TEX29: variants seen among roughly 807,000 people sequenced by gnomAD.
TEX29 encodes the protein testis expressed 29.
TEX29 carries 26 observed loss-of-function variants against 18.2 expected under a neutral mutation model. The observed-to-expected ratio is 1.43, with a 90% CI of 1.04 to 1.98. TEX29 has a LOEUF of 1.98. Among genes scored for constraint, TEX29 ranks in the 30% most tolerant of loss-of-function variants. The probability of loss-of-function intolerance (pLI) is 0.00; values close to 1 mark genes in which losing one functional copy is unlikely to be tolerated. For synonymous variants in TEX29, 83 were observed against 78.5 expected, an observed-to-expected ratio of 1.06 and a Z score of -0.31; for missense variants, 177 against 194.2, an observed-to-expected ratio of 0.91 and a Z score of 0.53.
At position 111,320,709 on chromosome 13, in the gene TEX29, T is replaced by C. The variant is rs929504264; in HGVS notation, c.-88T>C. Reference sequence around the variant, plus strand: ...CCTAAAAGGTGTTTTCCACGTGGAGTGGGACTGAGAGGCACAGGTGGCTGA... The same window carrying C: ...CCTAAAAGGTGTTTTCCACGTGGAGCGGGACTGAGAGGCACAGGTGGCTGA... On this transcript the variant is annotated 5_prime_UTR_variant, in exon 1 of 6. Coordinates refer to ENST00000283547, the MANE Select transcript of TEX29 (RefSeq NM_152324.3). The C allele has an allele frequency of 1.4e-6, 1 of 699,954 alleles. No homozygotes were observed. The allele number at this position is 699,954 out of a possible 1,614,324, so 43.4% of individuals were successfully genotyped here. A position where few individuals can be genotyped will look rare whatever the true frequency, so the allele number is the denominator to read the frequency against.
upstream of TEX29, among the ~76,000 whole-genome samples, chr13:111,316,831 A>C (rs1340261676): frequency 6.6e-6 from 1 of 152,090 alleles, no homozygotes; most frequent in African/African-American, 2.4e-5. Flanking sequence ...GGTTTAATTG[A>C]CTCACGGTTC....
At chr13:111,326,401 TGG>T in intron 2 of TEX29, among the ~76,000 whole-genome samples, 2 of 141,904 alleles carry the variant, frequency 1.4e-5, no homozygotes, top group Non-Finnish European at 3.0e-5. Context: ...TGAGGCTGTC[TGG>T]TGGGGTGGAG....
At chr13:111,316,643 G>A (rs942408376), upstream of TEX29, among the ~76,000 whole-genome samples, 2 of 152,216 alleles carry the variant, frequency 1.3e-5, no homozygotes, top group Non-Finnish European at 2.9e-5. Context: ...CAGTGCTGCC[G>A]CACACACAGA....
At chr13:111,321,759 C>T (rs938971638) in intron 2 of TEX29, among the ~76,000 whole-genome samples, 2 of 152,120 alleles carry the variant, frequency 1.3e-5, no homozygotes, top group African/African-American at 4.8e-5. Flanking sequence ...CCCATCTCTA[C>T]TAAAAATACA....
chr13:111,343,003 T>A, intron 5 of TEX29, 72 bp downstream of exon 5: 1 of 1,545,160 alleles, frequency 6.5e-7, no homozygotes, highest in Non-Finnish European at 8.8e-7. Flanking sequence ...AGACCTTCCC[T>A]GGGAAGGGGC....
chr13:111,329,858 C>T (rs764244231), intron 3 of TEX29, among the ~76,000 whole-genome samples: 7 of 152,080 alleles, frequency 4.6e-5, no homozygotes, highest in African/African-American at 1.2e-4. Flanking sequence ...GTAGACTCAC[C>T]GCCTTCAGGT....
chr13:111,330,907 G>A (rs148056074), intron 3 of TEX29, among the ~76,000 whole-genome samples: 85 of 152,328 alleles, frequency 5.6e-4, no homozygotes, highest in African/African-American at 2.0e-3. Flanking sequence ...CGGAGTCATT[G>A]TCCACTGTAT....
intron 3 of TEX29, among the ~76,000 whole-genome samples, chr13:111,330,260 CAAGA>C (rs2093680682): frequency 6.6e-6 from 1 of 152,208 alleles, no homozygotes; most frequent in Admixed American, 6.5e-5. Flanking sequence ...CAAAATCAGT[CAAGA>C]AAGAAAGTGC....
chr13:111,325,904 G>A (rs978717200), intron 2 of TEX29, among the ~76,000 whole-genome samples: 9 of 152,270 alleles, frequency 5.9e-5, no homozygotes, highest in Non-Finnish European at 1.0e-4. Flanking sequence ...TCTGTTTGCT[G>A]AAATTAAACA....
upstream of TEX29, among the ~76,000 whole-genome samples, chr13:111,318,446 TCCTGTGG>T (rs1268257237): frequency 1.3e-5 from 2 of 152,202 alleles, no homozygotes; most frequent in African/African-American, 4.8e-5. Flanking sequence ...GGCTGCTCCG[TCCTGTGG>T]CCTGCTGGGT....
At chr13:111,339,058 G>A (rs1050692386) in intron 3 of TEX29, among the ~76,000 whole-genome samples, 2 of 152,210 alleles carry the variant, frequency 1.3e-5, no homozygotes, top group African/African-American at 4.8e-5. Context: ...TCAGGAGGGG[G>A]CTGAGCAGTT....
Position 111,321,006 on chromosome 13 carries a change from A to AGTG in TEX29, c.58+58_58+59insGTG, listed in dbSNP as rs1567157016. 11 of 876,302 alleles carry AGTG rather than the reference A, an allele frequency of 1.3e-5. No homozygotes were observed. In the East Asian group the frequency reaches 3.7e-4, roughly 29 times the overall value. 54.3% of individuals were successfully genotyped at this position (876,302 alleles called of 1,614,324 possible). On this transcript the variant is annotated intron_variant, in intron 2 of 5. Transcript: ENST00000283547. ...GGTGGGGGAGCAGTTGGGGGGGGGC[A>AGTG]CAGGGAGGAGCTGTTTGAGCCCCTG...
intron 3 of TEX29, 76 bp downstream of exon 3, chr13:111,328,369 C>A: frequency 1.0e-6 from 1 of 988,028 alleles, no homozygotes; most frequent in Non-Finnish European, 1.6e-6. Context: ...CCCTGCCTGT[C>A]TCCCTTCCTC....
chr13:111,335,280 A>G (rs1254641437), intron 3 of TEX29, among the ~76,000 whole-genome samples: 1 of 152,188 alleles, frequency 6.6e-6, no homozygotes, highest in South Asian at 2.1e-4. Context: ...GGAGTCCATT[A>G]TCCTTCACCT....
rs76083530 is a variant in TEX29, at chr13:111,344,201, A to G, written c.*78A>G. ...CAGCAGGTGCACTGTTAACAGTGTGATGGAATGACCACCCAAAGAGAAAAA... is the reference window on the plus strand; with the variant it reads ...CAGCAGGTGCACTGTTAACAGTGTGGTGGAATGACCACCCAAAGAGAAAAA... On this transcript the variant is annotated 3_prime_UTR_variant, in exon 6 of 6. Transcript: ENST00000283547. The G allele has an allele frequency of 4.7e-3, 5,628 of 1,193,934 alleles. 201 individuals are homozygous for G. In the African/African-American group the frequency reaches 0.077, roughly 16 times the overall value. The allele number at this position is 1,193,934 out of a possible 1,614,324, so 74.0% of individuals were successfully genotyped here.
chr13:111,319,534 A>AC (rs1375506239), upstream of TEX29, among the ~76,000 whole-genome samples: 1 of 152,132 alleles, frequency 6.6e-6, no homozygotes, highest in Non-Finnish European at 1.5e-5. Context: ...CCTGATGCCC[A>AC]CAGCACCAGC....
At chr13:111,328,096 C>T (rs2093676955) in intron 2 of TEX29, 87 bp from the exon 3 acceptor site, 3 of 829,506 alleles carry the variant, frequency 3.6e-6, no homozygotes, top group African/African-American at 1.7e-5. Flanking sequence ...CACAGCTGCT[C>T]CCCACACCGG....
At chr13:111,339,451 C>T (rs1338849144) in intron 3 of TEX29, 12 of 428,504 alleles carry the variant, frequency 2.8e-5, no homozygotes, top group Non-Finnish European at 3.7e-5. Context: ...CAGGAGCCAG[C>T]GCCATCTCTC....
intron 2 of TEX29, among the ~76,000 whole-genome samples, chr13:111,321,435 C>T (rs905907527): frequency 1.2e-4 from 18 of 152,094 alleles, no homozygotes; most frequent in East Asian, 5.8e-4. Context: ...CCACAGGTGC[C>T]GTTAATGTGC....
Sources: gnomAD v4.1 joint callset for allele counts (sites outside exome capture counted in the v4.1 genomes callset) on GRCh38, gnomAD v4.1.1 for gene constraint, MANE v1.5 for transcripts, NCBI Gene and HGNC (gene_info 2026-07-23, HGNC 2026-07-21) for gene names.